RABEPK: variants seen among roughly 807,000 people sequenced by gnomAD.
The protein encoded by RABEPK is Rab9 effector protein with kelch motifs.
Under a neutral mutation model 34.1 loss-of-function variants are expected in RABEPK, and 27 were observed. The observed-to-expected ratio is 0.79, with a 90% CI of 0.58 to 1.09. The LOEUF (loss-of-function observed/expected upper bound fraction) is 1.09, where lower values mean the gene tolerates loss of function less well. RABEPK is among the 50% of genes least tolerant of loss of function. The pLI, the probability that RABEPK is intolerant of heterozygous loss-of-function variation, is 0.00. For synonymous variants in RABEPK, 172 were observed against 169.2 expected (o/e 1.02, Z -0.13); for missense variants, 449 against 462.6 (o/e 0.97, Z 0.27).
At chr9:125,214,155 A>T (rs117606734) in intron 4 of RABEPK, among the ~76,000 whole-genome samples, 2,272 of 152,034 alleles carry the variant, frequency 0.015, 21 homozygotes, top group Non-Finnish European at 0.021. Flanking sequence ...AAATTTTTTT[A>T]AAAATAAAGT....
intron 2 of RABEPK, among the ~76,000 whole-genome samples, chr9:125,206,342 A>G (rs1005883733): frequency 2.6e-5 from 4 of 152,096 alleles, no homozygotes; most frequent in Non-Finnish European, 5.9e-5. Flanking sequence ...TACTAAAAAT[A>G]CAAAAATTAG....
chr9:125,218,937 G>T (rs894675917), intron 4 of RABEPK, among the ~76,000 whole-genome samples: 8 of 151,622 alleles, frequency 5.3e-5, no homozygotes, highest in Non-Finnish European at 1.0e-4. Context: ...TTGCCATGTT[G>T]CCCAGGCTGG....
At chr9:125,229,278 A>G (rs1488778133) in intron 6 of RABEPK, among the ~76,000 whole-genome samples, 3 of 151,472 alleles carry the variant, frequency 2.0e-5, no homozygotes, top group Non-Finnish European at 2.9e-5. Context: ...AAAAAGAAAA[A>G]AAAAATCAGC....
At chr9:125,225,124 C>T (rs1280249298) in intron 5 of RABEPK, among the ~76,000 whole-genome samples, 1 of 152,156 alleles carries the variant, frequency 6.6e-6, no homozygotes, top group Non-Finnish European at 1.5e-5. Context: ...GTGGCTGACA[C>T]CTGCAATCCC....
intron 4 of RABEPK, among the ~76,000 whole-genome samples, chr9:125,219,480 C>T (rs1225273203): frequency 3.3e-5 from 5 of 152,022 alleles, no homozygotes; most frequent in African/African-American, 7.2e-5. Flanking sequence ...CTGCATCCTC[C>T]GCCTCCTGGT....
chr9:125,226,307 ACT>A (rs1343020652), intron 5 of RABEPK, among the ~76,000 whole-genome samples: 7 of 149,686 alleles, frequency 4.7e-5, no homozygotes, highest in Non-Finnish European at 1.0e-4. Context: ...ACAGAGCAAA[ACT>A]CTGTCCCCCG....
intron 6 of RABEPK, among the ~76,000 whole-genome samples, chr9:125,231,150 A>G (rs1342563100): frequency 3.3e-5 from 5 of 151,818 alleles, no homozygotes; most frequent in African/African-American, 1.2e-4. Context: ...TAAAAATGCA[A>G]AAATTAGCCG....
At chr9:125,227,175 AATAATAATAATAATG>A (rs922844477) in intron 5 of RABEPK, among the ~76,000 whole-genome samples, 1 of 151,786 alleles carries the variant, frequency 6.6e-6, no homozygotes, top group African/African-American at 2.4e-5. Flanking sequence ...TGTCTCAAAT[AATAATAATAATAATG>A]ATAATAATAA....
chr9:125,225,057 C>A (rs1403363669), intron 5 of RABEPK, among the ~76,000 whole-genome samples: 1 of 151,968 alleles, frequency 6.6e-6, no homozygotes, highest in African/African-American at 2.4e-5. Flanking sequence ...AGTTCCAGTC[C>A]AGCCTGGACA....
At chr9:125,208,341 C>G (rs1310983899) in intron 3 of RABEPK, among the ~76,000 whole-genome samples, 2 of 152,236 alleles carry the variant, frequency 1.3e-5, no homozygotes, top group African/African-American at 4.8e-5. Context: ...TCCAATATAT[C>G]ACTAAGCCCT....
intron 1 of RABEPK, 69 bp downstream of exon 1, chr9:125,200,975 C>G (rs1364891717): frequency 2.5e-6 from 1 of 398,980 alleles, no homozygotes; most frequent in Non-Finnish European, 5.1e-6. Flanking sequence ...CCCACTTCTA[C>G]TCCATGCCAG....
Position 125,228,000 on chromosome 9 carries a change from T to G in RABEPK, c.617T>G (p.Phe206Cys). The G allele has an allele frequency of 1.9e-6, 3 of 1,607,110 alleles. No individual in the cohort carries two copies. The highest frequency in any genetic ancestry group is 2.6e-6 in the Non-Finnish European group (3 of 1,176,026). Residue 206 changes from phenylalanine to cysteine, a missense_variant, in exon 6 of 8, where the codon TTC becomes TGC. Coordinates refer to ENST00000373538, the MANE Select transcript of RABEPK (RefSeq NM_005833.4). ...HVMVAAGTKL[F>C]IHGGLAGDRF... ...ATGGTGGCAGCAGGGACAAAGCTCT[T>G]CATCCACGGAGGCTTGGCGGGGGAC...
intron 6 of RABEPK, 130 bp from the exon 7 acceptor site, chr9:125,232,466 T>G (rs550043472): frequency 9.9e-7 from 1 of 1,006,466 alleles, no homozygotes; most frequent in South Asian, 2.0e-5. Context: ...ATAATTCTTA[T>G]GTGCACTAAA....
intron 2 of RABEPK, 119 bp from the exon 3 acceptor site, chr9:125,207,445 A>G (rs1830295600): frequency 9.3e-7 from 1 of 1,069,722 alleles, no homozygotes; most frequent in Non-Finnish European, 1.4e-6. Context: ...TATTGGGTAC[A>G]ATTTAAAGTG....
intron 3 of RABEPK, among the ~76,000 whole-genome samples, chr9:125,208,031 A>T (rs1360464820): frequency 6.6e-6 from 1 of 152,126 alleles, no homozygotes; most frequent in Non-Finnish European, 1.5e-5. Context: ...GGAGGCTGAG[A>T]CAGGAGAATT....
At chr9:125,204,031 CAAAAAAAAAA>C (rs111335703) in intron 2 of RABEPK, among the ~76,000 whole-genome samples, 40 of 82,206 alleles carry the variant, frequency 4.9e-4, no homozygotes, top group Non-Finnish European at 6.0e-4. Flanking sequence ...GAATCCGTTT[CAAAAAAAAAA>C]AAAAAAAAAA....
intron 2 of RABEPK, among the ~76,000 whole-genome samples, chr9:125,205,336 G>C (rs1333665977): frequency 1.3e-5 from 2 of 152,190 alleles, no homozygotes; most frequent in African/African-American, 4.8e-5. Context: ...TTCCCAACTA[G>C]TCTGTAAGGG....
rs914491427 is a variant in RABEPK, at chr9:125,233,847, C to A, written c.986C>A (p.Ala329Asp). ...CATGAAGCTGAGAAAGAGGATTCAG[C>A]TGACAAAGTAATGAGCCACAGTGGT... ...LNHEAEKEDS[A>D]DKVMSHSGDS... The change falls in exon 8 of 8, where the codon GCT becomes GAT. Residue 329 changes from alanine (A) to aspartate (D), a missense_variant. Ala to Asp is a moderately radical substitution (Grantham distance 126, BLOSUM62 -2). Transcript: ENST00000373538. 6.8e-6 allele frequency: 11 copies of A among 1,614,022 alleles called. No homozygotes were observed. In the Admixed American group the frequency reaches 1.3e-4, roughly 20 times the overall value.
chr9:125,215,309 G>T (rs1830862312), intron 4 of RABEPK, among the ~76,000 whole-genome samples: 2 of 146,008 alleles, frequency 1.4e-5, no homozygotes. Context: ...TTTTATTGTT[G>T]GTAACTTTTT....
Sources: gnomAD v4.1 joint callset for allele counts (sites outside exome capture counted in the v4.1 genomes callset) on GRCh38, gnomAD v4.1.1 for gene constraint, MANE v1.5 for transcripts, NCBI Gene and HGNC (gene_info 2026-07-23, HGNC 2026-07-21) for gene names.